The following CDH13 variants were observed in gnomAD, a reference collection of about 807,000 sequenced individuals.
CDH13 encodes cadherin 13.
A neutral mutation model predicts 63.8 loss-of-function variants in CDH13; 24 were observed. That is an observed-to-expected ratio of 0.38 (90% CI 0.27 to 0.53). The LOEUF (loss-of-function observed/expected upper bound fraction) is 0.53. Among genes scored for constraint, CDH13 ranks in the 20% least tolerant of loss-of-function variants. The pLI, the probability that CDH13 is intolerant of heterozygous loss-of-function variation, is 0.85. For synonymous variants in CDH13, 503 were observed against 355.3 expected (o/e 1.42, Z -4.67); for missense variants, 1,049 against 903.1 (o/e 1.16, Z -2.07).
chr16:83,011,968 T>C (rs1851830385), intron 2 of CDH13, among the ~76,000 whole-genome samples: 1 of 152,184 alleles, frequency 6.6e-6, no homozygotes, highest in African/African-American at 2.4e-5. Context: ...CTTATTCTCC[T>C]TTTATTTCTC....
chr16:83,529,315 C>A (rs887947345), intron 7 of CDH13, among the ~76,000 whole-genome samples: 3 of 151,670 alleles, frequency 2.0e-5, no homozygotes, highest in Non-Finnish European at 4.4e-5. Context: ...TGTCTTTTGC[C>A]CAGAAATTTT....
intron 7 of CDH13, among the ~76,000 whole-genome samples, chr16:83,532,706 T>C (rs940515894): frequency 1.3e-5 from 2 of 152,236 alleles, no homozygotes; most frequent in Admixed American, 6.5e-5. Flanking sequence ...GTAAGTTCTT[T>C]GCAAGCAATC....
chr16:83,595,117 C>T (rs554246750), intron 7 of CDH13, among the ~76,000 whole-genome samples: 1 of 152,316 alleles, frequency 6.6e-6, no homozygotes, highest in African/African-American at 2.4e-5. Flanking sequence ...AATCAGATAG[C>T]TTCAAATAAA....
intron 4 of CDH13, among the ~76,000 whole-genome samples, chr16:83,148,931 CATT>C (rs1441676326): frequency 6.6e-6 from 1 of 152,148 alleles, no homozygotes; most frequent in African/African-American, 2.4e-5. Context: ...TTATTACACT[CATT>C]ATCTTAAATT....
chr16:83,174,567 C>G (rs546444844), intron 4 of CDH13, among the ~76,000 whole-genome samples: 2 of 152,128 alleles, frequency 1.3e-5, no homozygotes, highest in African/African-American at 4.8e-5. Context: ...GGTTCCAAAC[C>G]TGCACTGTCC....
intron 1 of CDH13, among the ~76,000 whole-genome samples, chr16:82,768,159 A>G (rs1270563443): frequency 1.3e-5 from 2 of 152,216 alleles, no homozygotes; most frequent in Non-Finnish European, 2.9e-5. Context: ...TGGGAATGCT[A>G]CACAATCATG....
chr16:82,712,523 T>G (rs1004880587), intron 1 of CDH13, among the ~76,000 whole-genome samples: 4 of 152,198 alleles, frequency 2.6e-5, no homozygotes, highest in Admixed American at 1.3e-4. Context: ...ACGCCTATCA[T>G]GGTGGCTTTC....
intron 7 of CDH13, among the ~76,000 whole-genome samples, chr16:83,590,281 G>T (rs1211371631): frequency 6.6e-6 from 1 of 152,208 alleles, no homozygotes. Context: ...CAAGGAAGAA[G>T]AGATGGGGAC....
intron 7 of CDH13, among the ~76,000 whole-genome samples, chr16:83,558,755 C>T (rs544531892): frequency 6.6e-6 from 1 of 151,974 alleles, no homozygotes; most frequent in Non-Finnish European, 1.5e-5. Flanking sequence ...TTATGTGGGC[C>T]CTTGTTATGA....
chr16:83,680,073 T>C (rs1392315565), intron 10 of CDH13, among the ~76,000 whole-genome samples: 1 of 152,192 alleles, frequency 6.6e-6, no homozygotes, highest in Non-Finnish European at 1.5e-5. Context: ...GAGGACCCTA[T>C]GGATACTATA....
intron 7 of CDH13, among the ~76,000 whole-genome samples, chr16:83,555,449 A>G (rs1172827885): frequency 1.3e-5 from 2 of 152,228 alleles, no homozygotes; most frequent in African/African-American, 4.8e-5. Context: ...GTGCTGTCTT[A>G]AAAGACATCT....
chr16:83,666,440 A>T (rs908549309), intron 8 of CDH13, among the ~76,000 whole-genome samples: 25 of 151,040 alleles, frequency 1.7e-4, no homozygotes, highest in African/African-American at 5.8e-4. Context: ...ATATTTAAAG[A>T]TTTTTTTTTT....
intron 1 of CDH13, among the ~76,000 whole-genome samples, chr16:82,716,661 A>G (rs2151015211): frequency 6.7e-6 from 1 of 149,146 alleles, no homozygotes; most frequent in Non-Finnish European, 1.5e-5. Context: ...TGGCAGGGAG[A>G]GTGGGTATTA....
At chr16:83,485,748 T>G (rs896811277) in intron 6 of CDH13, among the ~76,000 whole-genome samples, 12 of 152,166 alleles carry the variant, frequency 7.9e-5, no homozygotes, top group African/African-American at 2.7e-4. Flanking sequence ...ATTTATCTCT[T>G]CTACTGATTT....
At chr16:83,522,819 C>G (rs1257428185) in intron 7 of CDH13, among the ~76,000 whole-genome samples, 1 of 152,120 alleles carries the variant, frequency 6.6e-6, no homozygotes, top group Admixed American at 6.6e-5. Context: ...TGACCTCCAC[C>G]TATAGGTTCA....
chr16:83,481,534 T>A (rs377510939), intron 6 of CDH13, among the ~76,000 whole-genome samples: 175 of 152,280 alleles, frequency 1.1e-3, no homozygotes, highest in African/African-American at 4.1e-3. Context: ...CTTGCTTTAA[T>A]GAGAGAGCTG....
chr16:83,347,538 C>T (rs768440983), intron 6 of CDH13, among the ~76,000 whole-genome samples: 55 of 152,298 alleles, frequency 3.6e-4, no homozygotes, highest in Admixed American at 6.5e-4. Flanking sequence ...AGCACTGCGT[C>T]GAGTACTTAC....
intron 6 of CDH13, among the ~76,000 whole-genome samples, chr16:83,464,852 A>C (rs999878513): frequency 6.6e-6 from 1 of 152,228 alleles, no homozygotes; most frequent in Non-Finnish European, 1.5e-5. Flanking sequence ...CAAGTTGCCC[A>C]GGTGGGTCTT....
At chr16:83,180,782 C>A in intron 4 of CDH13, 2 of 877,286 alleles carry the variant, frequency 2.3e-6, no homozygotes, top group South Asian at 1.6e-5. Flanking sequence ...CAAACAAAGG[C>A]TGCTTAATCC....
Sources: gnomAD v4.1 joint callset for allele counts (sites outside exome capture counted in the v4.1 genomes callset) on GRCh38, gnomAD v4.1.1 for gene constraint, MANE v1.5 for transcripts, NCBI Gene and HGNC (gene_info 2026-07-23, HGNC 2026-07-21) for gene names.